Variants in BTAF1 observed in about 807,000 individuals in gnomAD.
The protein encoded by BTAF1 is TATA-binding protein-associated factor 172.
A neutral mutation model predicts 227.1 loss-of-function variants in BTAF1; 38 were observed. The ratio of observed to expected loss-of-function variants is 0.17; its 90% confidence interval spans 0.13 to 0.22. The LOEUF (loss-of-function observed/expected upper bound fraction) is 0.22. Among genes scored for constraint, BTAF1 ranks in the 10% least tolerant of loss-of-function variants. The pLI is 1.00. For missense variants in BTAF1, 1,598 were observed against 2,204.0 expected, an observed-to-expected ratio of 0.73 and a Z score of 5.51; for synonymous variants, 742 against 751.9, an observed-to-expected ratio of 0.99 and a Z score of 0.21.
At chr10:92,007,422 G>A (rs564451731) in intron 25 of BTAF1, among the ~76,000 whole-genome samples, 378 of 151,906 alleles carry the variant, frequency 2.5e-3, no homozygotes, top group Non-Finnish European at 4.3e-3. Flanking sequence ...TCACCATGTT[G>A]GCCAGGCTGG....
intron 3 of BTAF1, among the ~76,000 whole-genome samples, chr10:91,941,371 TTTAAG>T (rs1344373454): frequency 6.6e-6 from 1 of 152,244 alleles, no homozygotes; most frequent in African/African-American, 2.4e-5. Flanking sequence ...AGAAATTCCT[TTTAAG>T]TTAAGCAGTT....
intron 2 of BTAF1, among the ~76,000 whole-genome samples, chr10:91,939,548 C>T (rs375005665): frequency 6.6e-6 from 1 of 152,170 alleles, no homozygotes; most frequent in South Asian, 2.1e-4. Flanking sequence ...AAGTGATTCT[C>T]CTGTCTCAGC....
chr10:91,978,541 C>T (rs965559321), intron 14 of BTAF1, among the ~76,000 whole-genome samples: 1 of 152,108 alleles, frequency 6.6e-6, no homozygotes, highest in African/African-American at 2.4e-5. Context: ...TTCCCTTTCT[C>T]TTTCTCTTTG....
intron 30 of BTAF1, among the ~76,000 whole-genome samples, chr10:92,012,997 C>A (rs1244376180): frequency 6.6e-6 from 1 of 152,036 alleles, no homozygotes; most frequent in Admixed American, 6.6e-5. Context: ...TTACAAAAGC[C>A]ATGGTGGCCC....
chr10:91,954,370 C>G (rs556550430), intron 6 of BTAF1, among the ~76,000 whole-genome samples: 8 of 152,102 alleles, frequency 5.3e-5, no homozygotes, highest in African/African-American at 1.9e-4. Flanking sequence ...CAATGATAAT[C>G]TAGGCTAGTT....
intron 1 of BTAF1, among the ~76,000 whole-genome samples, chr10:91,932,787 A>G (rs1378231910): frequency 2.6e-5 from 4 of 152,278 alleles, no homozygotes; most frequent in African/African-American, 9.6e-5. Context: ...GATGGGAGCT[A>G]GCTGAACAGT....
intron 14 of BTAF1, among the ~76,000 whole-genome samples, chr10:91,979,864 A>G (rs1324821453): frequency 6.6e-6 from 1 of 152,146 alleles, no homozygotes; most frequent in Admixed American, 6.5e-5. Flanking sequence ...TGGAAGCAAA[A>G]TATTGTTAGT....
chr10:91,965,544 ATATAGTGAAAATTC>A (rs1410909946), intron 13 of BTAF1, among the ~76,000 whole-genome samples: 1 of 152,214 alleles, frequency 6.6e-6, no homozygotes, highest in Non-Finnish European at 1.5e-5. Context: ...ATAAAAAAGA[ATATAGTGAAAATTC>A]TATTAATTCA....
chr10:91,964,436 G>A (rs1007937806), intron 13 of BTAF1, among the ~76,000 whole-genome samples: 9 of 151,664 alleles, frequency 5.9e-5, no homozygotes, highest in Non-Finnish European at 8.8e-5. Context: ...ATAATTCATC[G>A]TCTTGTTCGT....
intron 9 of BTAF1, 171 bp downstream of exon 9, chr10:91,959,325 AAG>A: frequency 7.2e-7 from 1 of 1,386,594 alleles, no homozygotes; most frequent in Non-Finnish European, 9.4e-7. Flanking sequence ...TAAGATGAAT[AAG>A]AGGCTAGTTG....
intron 1 of BTAF1, among the ~76,000 whole-genome samples, chr10:91,929,737 A>G (rs1338118137): frequency 1.3e-5 from 2 of 152,006 alleles, no homozygotes; most frequent in Non-Finnish European, 2.9e-5. Context: ...TTTTTTTTTA[A>G]TAGAGATGAG....
At chr10:91,988,970 T>A (rs1848580298) in intron 19 of BTAF1, among the ~76,000 whole-genome samples, 184 bp from the exon 20 acceptor site, 1 of 152,244 alleles carries the variant, frequency 6.6e-6, no homozygotes, top group South Asian at 2.1e-4. Flanking sequence ...TGTTAAATTT[T>A]AGTCAGATTA....
In BTAF1 at chr10:91,923,935, C is replaced by G; in HGVS notation, c.-142C>G. On this transcript the variant is annotated 5_prime_UTR_variant, in exon 1 of 38. Coordinates refer to ENST00000265990, the MANE Select transcript of BTAF1 (RefSeq NM_003972.3). ...GGCGGCAGGGCAGATGCCCGAGGGC[C>G]TGCGCTGGAACGCCCCACGCCGCAC... 1 of 1,083,420 alleles carries G rather than the reference C, an allele frequency of 9.2e-7. No individual in the cohort carries two copies. Among genetic ancestry groups the G allele is most frequent in the Admixed American group, 4.1e-5 (1 of 24,572 alleles). 67.1% of individuals were successfully genotyped at this position (1,083,420 alleles called of 1,614,324 possible). A position where few individuals can be genotyped will look rare whatever the true frequency, so the allele number is the denominator to read the frequency against.
chr10:91,972,145 C>T (rs1410277887), intron 14 of BTAF1, among the ~76,000 whole-genome samples: 1 of 152,158 alleles, frequency 6.6e-6, no homozygotes, highest in Non-Finnish European at 1.5e-5. Context: ...CTCAGTTACT[C>T]ACAAACTGGT....
At chr10:91,935,152 A>G (rs1451041075) in intron 1 of BTAF1, 1 of 152,270 alleles carries the variant, frequency 6.6e-6, no homozygotes, top group Non-Finnish European at 1.5e-5. Flanking sequence ...GTACATTATT[A>G]TGGGAGTAGT....
At chr10:92,005,109 A>G (rs922170447) in intron 25 of BTAF1, among the ~76,000 whole-genome samples, 1 of 152,148 alleles carries the variant, frequency 6.6e-6, no homozygotes, top group Non-Finnish European at 1.5e-5. Context: ...TTTTATGCCA[A>G]CATCATACAG....
rs1846377107 is a variant in BTAF1 at position 91,959,773 on chromosome 10, ATAT to A, written c.991-10_991-8del. The A allele has an allele frequency of 1.8e-6, 2 of 1,093,522 alleles. No homozygotes were observed. Among genetic ancestry groups the A allele is most frequent in the Non-Finnish European group, 2.6e-6 (2 of 777,972 alleles). 67.7% of individuals were successfully genotyped at this position (1,093,522 alleles called of 1,614,324 possible). ...ATATATATATATATATATATATATT[ATAT>A]TTTAACAGATGATTCAGCAGCATCA... On this transcript the variant is annotated splice_polypyrimidine_tract_variant and intron_variant, in intron 9 of 37. Coordinates refer to ENST00000265990, the MANE Select transcript of BTAF1 (RefSeq NM_003972.3).
intron 37 of BTAF1, among the ~76,000 whole-genome samples, chr10:92,028,325 CTG>C (rs1564729058): frequency 6.6e-6 from 1 of 152,136 alleles, no homozygotes; most frequent in Non-Finnish European, 1.5e-5. Flanking sequence ...TGAAAACAGA[CTG>C]TATATTAGAA....
chr10:91,956,396 G>A (rs1157504702), intron 6 of BTAF1, 132 bp from the exon 7 acceptor site: 1 of 1,119,030 alleles, frequency 8.9e-7, no homozygotes, highest in Admixed American at 3.3e-5. Flanking sequence ...AGCAGAATAT[G>A]GTGTAAAACA....
Sources: allele counts gnomAD v4.1 joint callset (sites outside exome capture counted in the v4.1 genomes callset), GRCh38; gene constraint gnomAD v4.1.1; transcripts MANE v1.5; gene names NCBI Gene and HGNC (gene_info 2026-07-23, HGNC 2026-07-21).